Variants in PTPRT observed in about 807,000 individuals in gnomAD.
PTPRT encodes receptor-type tyrosine-protein phosphatase T.
PTPRT carries 56 observed loss-of-function variants against 176.8 expected under a neutral mutation model. The ratio of observed to expected loss-of-function variants is 0.32; its 90% confidence interval spans 0.26 to 0.40. The LOEUF (loss-of-function observed/expected upper bound fraction) is 0.40. PTPRT is among the 10% of genes least tolerant of loss of function. The pLI, the probability that PTPRT is intolerant of heterozygous loss-of-function variation, is 1.00. For synonymous variants in PTPRT, 783 were observed against 739.0 expected, an observed-to-expected ratio of 1.06 and a Z score of -0.96; for missense variants, 1,540 against 1,908.2, an observed-to-expected ratio of 0.81 and a Z score of 3.60.
intron 1 of PTPRT, among the ~76,000 whole-genome samples, chr20:43,178,365 C>G (rs2425615): frequency 6.6e-6 from 1 of 152,108 alleles, no homozygotes; most frequent in African/African-American, 2.4e-5. Context: ...ACACCCACCC[C>G]GCAACCCTGA....
intron 7 of PTPRT, among the ~76,000 whole-genome samples, chr20:42,567,137 G>T (rs2073052769): frequency 6.6e-6 from 1 of 152,030 alleles, no homozygotes; most frequent in East Asian, 1.9e-4. Context: ...GCCGGGCATG[G>T]TGGCAGGTGC....
chr20:42,551,929 T>G (rs187563037), intron 7 of PTPRT, among the ~76,000 whole-genome samples: 1 of 152,324 alleles, frequency 6.6e-6, no homozygotes, highest in Admixed American at 6.5e-5. Flanking sequence ...CTGGATAATC[T>G]GACTGATCTC....
chr20:42,638,728 T>C (rs2074667561), intron 7 of PTPRT, among the ~76,000 whole-genome samples: 2 of 152,182 alleles, frequency 1.3e-5, no homozygotes, highest in South Asian at 4.1e-4. Context: ...TTGGTAGTTG[T>C]ACAAATCTAT....
chr20:42,199,225 G>C lies in PTPRT; in HGVS notation c.2491+15C>G, dbSNP rs201104662. ...GACCACGGATGTCCCCTTCCCCTTT[G>C]TTGGCTCTACTTACTGAATCCGTTG... On this transcript the variant is annotated intron_variant, in intron 16 of 30. Transcript: ENST00000373187. 4 of 1,612,986 alleles carry C rather than the reference G, an allele frequency of 2.5e-6. No homozygotes were observed. The highest frequency in any genetic ancestry group is 1.7e-5 in the Admixed American group (1 of 59,960).
At chr20:42,264,719 C>T (rs1400059637) in intron 13 of PTPRT, among the ~76,000 whole-genome samples, 1 of 152,244 alleles carries the variant, frequency 6.6e-6, no homozygotes, top group Non-Finnish European at 1.5e-5. Context: ...TTGCTCTTGC[C>T]TTGGGTCACT....
At chr20:42,853,030 T>G (rs2078502994) in intron 2 of PTPRT, among the ~76,000 whole-genome samples, 1 of 152,216 alleles carries the variant, frequency 6.6e-6, no homozygotes, top group South Asian at 2.1e-4. Context: ...AGAAGCTAGA[T>G]GATGAAGCAA....
chr20:42,097,188 G>A (rs981877836), intron 27 of PTPRT, among the ~76,000 whole-genome samples: 2 of 152,160 alleles, frequency 1.3e-5, no homozygotes, highest in Non-Finnish European at 2.9e-5. Context: ...AGCTTGCTAT[G>A]CTGCCAACCA....
intron 1 of PTPRT, among the ~76,000 whole-genome samples, chr20:42,903,896 C>G (rs1346899204): frequency 2.0e-5 from 3 of 152,236 alleles, no homozygotes; most frequent in Non-Finnish European, 2.9e-5. Context: ...TGCTCTTCCT[C>G]TCTAATGTTG....
intron 18 of PTPRT, among the ~76,000 whole-genome samples, chr20:42,129,304 G>A (rs545329872): frequency 6.6e-6 from 1 of 152,236 alleles, no homozygotes; most frequent in Non-Finnish European, 1.5e-5. Context: ...GAGATAGATT[G>A]TCAGCCATAT....
chr20:42,864,562 A>G lies in PTPRT; in HGVS notation c.214+21245T>C, dbSNP rs1330080377. ...TGTCATTCAATCCCTATGTGTCCCAATTGCATGACCTTCATTTTATAAGTA... is the reference window on the plus strand; with the variant it reads ...TGTCATTCAATCCCTATGTGTCCCAGTTGCATGACCTTCATTTTATAAGTA... On this transcript the variant is annotated intron_variant, in intron 2 of 30. Transcript: ENST00000373187. Among the ~76,000 whole-genome samples the G allele has an allele frequency of 2.0e-5, 3 of 152,214 alleles. No homozygotes were observed. In the East Asian group the frequency reaches 5.8e-4, roughly 29 times the overall value.
At chr20:42,668,062 T>G (rs1374053789) in intron 7 of PTPRT, among the ~76,000 whole-genome samples, 1 of 152,166 alleles carries the variant, frequency 6.6e-6, no homozygotes, top group African/African-American at 2.4e-5. Flanking sequence ...TTAGACAGAC[T>G]TGCTGTGTTG....
rs2013789564 is a variant in PTPRT at position 43,135,223 on chromosome 20, G to A, written c.88+54423C>T. ...AGGCACGATGCTGCCAACTGTCGAA[G>A]TGGGGTTCAGAGTGTACCTGGGTGT... On this transcript the variant is annotated intron_variant, in intron 1 of 30. Coordinates refer to ENST00000373187, the MANE Select transcript of PTPRT (RefSeq NM_007050.6). 2.0e-5 allele frequency among the ~76,000 whole-genome samples: 3 copies of A among 152,228 alleles called. No individual in the cohort carries two copies. The South Asian group carries it at 6.2e-4, about 31-fold the overall frequency.
At chr20:42,195,752 T>C (rs1199186938) in intron 16 of PTPRT, among the ~76,000 whole-genome samples, 4 of 152,252 alleles carry the variant, frequency 2.6e-5, no homozygotes, top group Admixed American at 2.0e-4. Flanking sequence ...TTTGTGTATA[T>C]ATGACTGTGT....
rs1487971858 is a variant in PTPRT, at chr20:42,350,696, T to C, written c.1797A>G (p.Pro599=). The C allele has an allele frequency of 1.2e-6, 2 of 1,613,782 alleles. No homozygotes were observed. Among genetic ancestry groups the C allele is most frequent in the South Asian group, 1.1e-5 (1 of 91,074 alleles). ...PSMPEYDTDT[P]LNETDTTITV... ...TGATGGTCGTGTCTGTCTCATTCAA[T>C]GGGGTGTCTGTGTCGTACTCAGGCA... The change falls in exon 11 of 31, where the codon CCA becomes CCG. Residue 599 remains proline, a synonymous_variant. Coordinates refer to ENST00000373187, the MANE Select transcript of PTPRT (RefSeq NM_007050.6).
At chr20:42,914,463 A>C (rs1978600246) in intron 1 of PTPRT, among the ~76,000 whole-genome samples, 1 of 152,220 alleles carries the variant, frequency 6.6e-6, no homozygotes, top group Non-Finnish European at 1.5e-5. Context: ...TTCAAAAACC[A>C]ACCACATTTG....
intron 9 of PTPRT, among the ~76,000 whole-genome samples, chr20:42,437,525 C>T (rs2059272874): frequency 6.6e-6 from 1 of 152,114 alleles, no homozygotes; most frequent in Admixed American, 6.6e-5. Flanking sequence ...TTTCTTTATG[C>T]CATCTTGAAG....
At chr20:42,535,368 G>A (rs2072458506) in intron 7 of PTPRT, among the ~76,000 whole-genome samples, 1 of 152,120 alleles carries the variant, frequency 6.6e-6, no homozygotes, top group South Asian at 2.1e-4. Flanking sequence ...CTATCTTATA[G>A]GGTCCTACGC....
chr20:42,311,908 A>G (rs1359501642), intron 12 of PTPRT, among the ~76,000 whole-genome samples: 13 of 152,184 alleles, frequency 8.5e-5, no homozygotes. Flanking sequence ...GTAATTATGT[A>G]TTCCCTCTTG....
chr20:42,678,346 G>T (rs1031968974), intron 6 of PTPRT, among the ~76,000 whole-genome samples, 187 bp from the exon 7 acceptor site: 17 of 152,142 alleles, frequency 1.1e-4, no homozygotes, highest in South Asian at 2.1e-4. Flanking sequence ...TGTCATTCAG[G>T]CTGGAGTGCA....
Sources: allele counts gnomAD v4.1 joint callset (sites outside exome capture counted in the v4.1 genomes callset), GRCh38; gene constraint gnomAD v4.1.1; transcripts MANE v1.5; gene names NCBI Gene and HGNC (gene_info 2026-07-23, HGNC 2026-07-21).